CCDC88C: variants seen among roughly 807,000 people sequenced by gnomAD.
CCDC88C encodes coiled-coil and HOOK domain protein 88C.
A neutral mutation model predicts 198.8 loss-of-function variants in CCDC88C; 131 were observed. That is an observed-to-expected ratio of 0.66 (90% CI 0.57 to 0.76). The LOEUF is 0.76. CCDC88C is among the 30% of genes least tolerant of loss of function. The pLI is 0.00. For synonymous variants in CCDC88C, 1,166 were observed against 1,114.7 expected, an observed-to-expected ratio of 1.05 and a Z score of -0.92; for missense variants, 2,553 against 2,631.6, an observed-to-expected ratio of 0.97 and a Z score of 0.65.
rs1038002664 is a variant in CCDC88C at position 91,354,272 on chromosome 14, G to T, written c.340+5370C>A. The stretch of plus-strand genomic sequence containing the variant: ...GCAGAAAGTAATTTGCTAACACCCT[G>T]GCTTCCCGTCAGACAAATCTAGTCT... On this transcript the variant is annotated intron_variant, in intron 4 of 29. Coordinates refer to ENST00000389857, the MANE Select transcript of CCDC88C (RefSeq NM_001080414.4). Among the ~76,000 whole-genome samples, 10 of 152,310 alleles carry T rather than the reference G, an allele frequency of 6.6e-5. No homozygotes were observed. The South Asian group carries it at 2.1e-3, about 32-fold the overall frequency.
chr14:91,296,131 G>A (rs1055733603), intron 22 of CCDC88C, among the ~76,000 whole-genome samples: 1 of 152,176 alleles, frequency 6.6e-6, no homozygotes, highest in Non-Finnish European at 1.5e-5. Context: ...GACGAACATG[G>A]TTTCCATGTG....
At position 91,272,371 on chromosome 14, in the gene CCDC88C, C is replaced by T. The variant is rs975579019; in HGVS notation, c.*254G>A. ...GCATCCTAATTGGTCCCCATGCTGA[C>T]GTGGATTATTTGTTCCAAAGATATC... On this transcript the variant is annotated 3_prime_UTR_variant, in exon 30 of 30. Transcript: ENST00000389857. 9.7e-6 allele frequency: 5 copies of T among 516,990 alleles called. No individual in the cohort carries two copies. Among genetic ancestry groups the T allele is most frequent in the Admixed American group, 7.5e-5 (2 of 26,502 alleles). 32.0% of individuals were successfully genotyped at this position (516,990 alleles called of 1,614,324 possible). A position where few individuals can be genotyped will look rare whatever the true frequency, so the allele number is the denominator to read the frequency against.
At chr14:91,398,553 A>G (rs1007892123) in intron 3 of CCDC88C, among the ~76,000 whole-genome samples, 1 of 152,200 alleles carries the variant, frequency 6.6e-6, no homozygotes, top group Non-Finnish European at 1.5e-5. Context: ...GCTACTTGGT[A>G]GATTGAGGCT....
rs142910241 is a variant in CCDC88C at position 91,405,114 on chromosome 14, A to C, written c.270+3545T>G. Among the ~76,000 whole-genome samples the C allele has an allele frequency of 5.2e-3, 785 of 152,190 alleles. 3 individuals are homozygous for C. Among genetic ancestry groups the C allele is most frequent in the Non-Finnish European group, 9.1e-3 (617 of 68,008 alleles). On this transcript the variant is annotated intron_variant, in intron 3 of 29. Coordinates refer to ENST00000389857, the MANE Select transcript of CCDC88C (RefSeq NM_001080414.4). ...CACACTGGTTTCCACCCACTTGCTG[A>C]CCTATGCCCTGCTCAGGAAAAGGTC...
chr14:91,328,647 G>A (rs1892675184), intron 10 of CCDC88C, among the ~76,000 whole-genome samples: 1 of 152,148 alleles, frequency 6.6e-6, no homozygotes. Flanking sequence ...GGAGCTAACG[G>A]GCCCCGATTC....
chr14:91,363,748 C>A (rs1018202272), intron 3 of CCDC88C, among the ~76,000 whole-genome samples: 1 of 152,348 alleles, frequency 6.6e-6, no homozygotes, highest in Non-Finnish European at 1.5e-5. Flanking sequence ...ATCTCCAGGC[C>A]CTGAAGGCCA....
At chr14:91,322,346 T>C (rs1456357193) in intron 12 of CCDC88C, among the ~76,000 whole-genome samples, 1 of 152,146 alleles carries the variant, frequency 6.6e-6, no homozygotes, top group Non-Finnish European at 1.5e-5. Context: ...CTTCATCCTC[T>C]ACCAAGGATA....
At chr14:91,297,527 A>T in intron 21 of CCDC88C, 36 bp from the exon 22 acceptor site, 1 of 1,546,218 alleles carries the variant, frequency 6.5e-7, no homozygotes, top group Non-Finnish European at 8.8e-7. Context: ...AAGGAGCTGA[A>T]GAGCCTGACA....
At chr14:91,321,096 G>A (rs370630600) in intron 13 of CCDC88C, 24 bp downstream of exon 13, 18 of 1,586,272 alleles carry the variant, frequency 1.1e-5, no homozygotes, top group South Asian at 5.7e-5. Context: ...GTGCTTCCCC[G>A]GTGGCCTAAG....
intron 2 of CCDC88C, among the ~76,000 whole-genome samples, chr14:91,410,258 G>A (rs558239994): frequency 6.6e-6 from 1 of 152,276 alleles, no homozygotes; most frequent in East Asian, 1.9e-4. Flanking sequence ...CCTTCCATCT[G>A]ACAGTCCCAA....
At position 91,339,122 on chromosome 14, in the gene CCDC88C, G is replaced by T; in HGVS notation, c.809+156C>A. ...CAGGCCTCAGAAGGGGAGGCAGCTA[G>T]TCCGAGGTCAAAGAGTAAGCTCAGG... On this transcript the variant is annotated intron_variant, in intron 8 of 29. Transcript: ENST00000389857. This position sits in a 1 kb window ranked among gnomAD's most constrained non-coding sequence, Gnocchi z 5.8. 1.2e-6 allele frequency: 1 copy of T among 847,388 alleles called. No homozygotes were observed. The highest frequency in any genetic ancestry group is 1.9e-6 in the Non-Finnish European group (1 of 517,876). The allele number at this position is 847,388 out of a possible 1,614,324, so 52.5% of individuals were successfully genotyped here.
intron 10 of CCDC88C, among the ~76,000 whole-genome samples, chr14:91,332,467 G>A (rs1596079895): frequency 6.6e-6 from 1 of 152,220 alleles, no homozygotes; most frequent in Non-Finnish European, 1.5e-5. Flanking sequence ...ATGTACATTT[G>A]TGTTCCATGT....
intron 3 of CCDC88C, among the ~76,000 whole-genome samples, chr14:91,404,760 G>A (rs1394301244): frequency 6.6e-6 from 1 of 152,002 alleles, no homozygotes; most frequent in Non-Finnish European, 1.5e-5. Context: ...TCAGGAGATC[G>A]AGACCATCCT....
intron 23 of CCDC88C, 82 bp from the exon 24 acceptor site, chr14:91,291,166 C>T (rs556235435): frequency 3.9e-5 from 31 of 787,298 alleles, no homozygotes; most frequent in Admixed American, 2.5e-4. Context: ...AGCCTGGAAC[C>T]TGGTGTACCC....
Position 91,289,183 on chromosome 14 carries a change from C to T in CCDC88C, c.4363G>A (p.Ala1455Thr). Reference protein sequence around the residue: ...PAASQPLRSQAENPDTPALGS... With the variant: ...PAASQPLRSQTENPDTPALGS... ...AGTGCGGGGGTGTCGGGGTTCTCGG[C>T]CTGTGATCTGAGCGGCTGAGAGGCC... is the stretch of plus-strand genomic sequence containing the variant. Residue 1455 changes from alanine to threonine, a missense_variant, in exon 25 of 30, where the codon GCC becomes ACC. Ala to Thr is a moderately conservative substitution (Grantham distance 58). This residue lies in a region of CCDC88C where 1,293 missense variants were observed against 1,219.6 expected (regional missense o/e 1.06). Coordinates refer to ENST00000389857, the MANE Select transcript of CCDC88C (RefSeq NM_001080414.4). The T allele has an allele frequency of 1.2e-5, 20 of 1,613,942 alleles. No homozygotes were observed. Among genetic ancestry groups the T allele is most frequent in the Non-Finnish European group, 1.7e-5 (20 of 1,179,892 alleles).
chr14:91,340,041 C>A lies in CCDC88C; in HGVS notation c.484-17G>T, dbSNP rs367958753. On this transcript the variant is annotated splice_polypyrimidine_tract_variant and intron_variant, in intron 6 of 29. Coordinates refer to ENST00000389857, the MANE Select transcript of CCDC88C (RefSeq NM_001080414.4). ...GTGAGTCACCTGTGGGCACACATGG[C>A]AGGGCACTGCAGGGGCGGCAGAGAC... 5 of 1,607,698 alleles carry A rather than the reference C, an allele frequency of 3.1e-6. No individual in the cohort carries two copies. In the African/African-American group the frequency reaches 6.7e-5, roughly 21 times the overall value.
chr14:91,327,955 G>T (rs1350826263), intron 10 of CCDC88C, among the ~76,000 whole-genome samples: 1 of 152,216 alleles, frequency 6.6e-6, no homozygotes, highest in Admixed American at 6.5e-5. Flanking sequence ...CCCAAGTCAG[G>T]CTTCTGGGCT....
At chr14:91,357,638 G>A (rs900999929) in intron 4 of CCDC88C, among the ~76,000 whole-genome samples, 7 of 152,134 alleles carry the variant, frequency 4.6e-5, no homozygotes, top group Non-Finnish European at 7.3e-5. Flanking sequence ...CTAAGCTACC[G>A]CCAACCTCTA....
intron 23 of CCDC88C, among the ~76,000 whole-genome samples, chr14:91,293,178 A>G (rs1005921437): frequency 2.8e-4 from 34 of 119,706 alleles, no homozygotes; most frequent in East Asian, 4.9e-4. Flanking sequence ...TCCCATCCTC[A>G]CCTGCCACAG....
Sources: gnomAD v4.1 joint callset for allele counts (sites outside exome capture counted in the v4.1 genomes callset) on GRCh38, gnomAD v4.1.1 for gene constraint, gnomAD v4.1.1 regional missense constraint, Gnocchi (gnomAD v3.1) non-coding constraint, MANE v1.5 for transcripts, NCBI Gene and HGNC (gene_info 2026-07-23, HGNC 2026-07-21) for gene names.